PTPRN2: variants seen among roughly 807,000 people sequenced by gnomAD.
The protein encoded by PTPRN2 is protein tyrosine phosphatase receptor type N2.
PTPRN2 carries 74 observed loss-of-function variants against 118.8 expected under a neutral mutation model. The ratio of observed to expected loss-of-function variants is 0.62; its 90% CI spans 0.52 to 0.76. The LOEUF (loss-of-function observed/expected upper bound fraction) is 0.76. Ranked by LOEUF, PTPRN2 falls within the 30% of genes least tolerant of loss-of-function variation. The pLI, the probability that PTPRN2 is intolerant of heterozygous loss-of-function variation, is 0.00. For synonymous variants in PTPRN2, 641 were observed against 608.0 expected (o/e 1.05, Z -0.80); for missense variants, 1,481 against 1,394.4 (o/e 1.06, Z -0.99).
intron 19 of PTPRN2, among the ~76,000 whole-genome samples, chr7:157,574,682 G>A (rs948786776): frequency 2.0e-5 from 3 of 152,208 alleles, no homozygotes; most frequent in Non-Finnish European, 4.4e-5. Flanking sequence ...GTGAGAACGC[G>A]TCGTCTATTG....
At chr7:158,021,734 T>C (rs1806888508) in intron 11 of PTPRN2, among the ~76,000 whole-genome samples, 1 of 152,190 alleles carries the variant, frequency 6.6e-6, no homozygotes, top group African/African-American at 2.4e-5. Context: ...CGATCTCTGA[T>C]GTCCAGCCTC....
intron 6 of PTPRN2, among the ~76,000 whole-genome samples, chr7:158,163,229 T>C (rs558313361): frequency 7.2e-5 from 11 of 151,954 alleles, no homozygotes; most frequent in East Asian, 1.9e-4. Flanking sequence ...GTGATGCCTA[T>C]ACCAGGTTCT....
intron 11 of PTPRN2, among the ~76,000 whole-genome samples, chr7:157,982,262 CATAGAG>C (rs1803289410): frequency 3.6e-5 from 2 of 55,614 alleles, no homozygotes; most frequent in African/African-American, 1.4e-4. Context: ...AACCCCGAGT[CATAGAG>C]CCAAGGAGGG....
intron 11 of PTPRN2, among the ~76,000 whole-genome samples, chr7:158,006,640 C>T (rs1299941799): frequency 6.6e-6 from 1 of 152,176 alleles, no homozygotes; most frequent in East Asian, 1.9e-4. Flanking sequence ...GCCATCCCAC[C>T]CCTATGGAGA....
At chr7:157,828,280 A>C (rs950506279) in intron 12 of PTPRN2, among the ~76,000 whole-genome samples, 2 of 152,186 alleles carry the variant, frequency 1.3e-5, no homozygotes, top group Non-Finnish European at 2.9e-5. Context: ...CTGTAGACAG[A>C]CTGTCCACCT....
At chr7:158,136,929 C>CA (rs1464053595) in intron 7 of PTPRN2, among the ~76,000 whole-genome samples, 1 of 152,178 alleles carries the variant, frequency 6.6e-6, no homozygotes, top group Admixed American at 6.5e-5. Context: ...TGAAGGCAGC[C>CA]ACAATGACCT....
chr7:158,333,538 G>T (rs1302480604), intron 2 of PTPRN2, among the ~76,000 whole-genome samples: 1 of 148,736 alleles, frequency 6.7e-6, no homozygotes, highest in African/African-American at 2.5e-5. Context: ...GACACTCGCA[G>T]ACGTCACTCA....
chr7:158,474,293 C>T (rs1347468612), intron 2 of PTPRN2, among the ~76,000 whole-genome samples: 1 of 152,180 alleles, frequency 6.6e-6, no homozygotes, highest in Non-Finnish European at 1.5e-5. Context: ...GACCCCAGGA[C>T]CTCTGGAAAA....
chr7:158,440,843 TGACGGG>T (rs1816975352), intron 2 of PTPRN2, among the ~76,000 whole-genome samples: 7 of 102,364 alleles, frequency 6.8e-5, no homozygotes, highest in Admixed American at 2.3e-4. Context: ...GTGATGGCAG[TGACGGG>T]GGTGGTGGTG....
intron 2 of PTPRN2, among the ~76,000 whole-genome samples, chr7:158,327,879 G>A (rs549975366): frequency 2.6e-5 from 4 of 152,080 alleles, no homozygotes; most frequent in Non-Finnish European, 5.9e-5. Context: ...GGTCCCATGG[G>A]GCTTCTCAAA....
rs1454961033 is a variant in PTPRN2, at chr7:157,748,511, T to G, written c.1789-65574A>C. On this transcript the variant is annotated intron_variant, in intron 12 of 22. Coordinates refer to ENST00000389418, the MANE Select transcript of PTPRN2 (RefSeq NM_002847.5). ...AGCTGCGGAGTGTCTGGGTGATTCT[T>G]AGGTCTGCGTCTCTGAGCTGTGGGG... Among the ~76,000 whole-genome samples the G allele has an allele frequency of 3.3e-3, 178 of 53,216 alleles. 1 individual carries two copies. The highest frequency in any genetic ancestry group is 5.1e-3 in the African/African-American group (63 of 12,452). 34.9% of individuals were successfully genotyped at this position (53,216 alleles called of 152,430 possible).
intron 12 of PTPRN2, among the ~76,000 whole-genome samples, chr7:157,711,631 T>C (rs560088597): frequency 6.9e-4 from 105 of 152,252 alleles, no homozygotes; most frequent in African/African-American, 2.5e-3. Context: ...CTTTGTCTTC[T>C]GGCCTTGCAG....
At chr7:157,686,232 G>A (rs532155434) in intron 12 of PTPRN2, among the ~76,000 whole-genome samples, 14 of 152,342 alleles carry the variant, frequency 9.2e-5, no homozygotes, top group African/African-American at 3.1e-4. Context: ...GAAGAAAGAG[G>A]TCTTCCCTCC....
intron 5 of PTPRN2, among the ~76,000 whole-genome samples, chr7:158,169,383 C>T (rs1823320171): frequency 6.6e-6 from 1 of 151,502 alleles, no homozygotes; most frequent in African/African-American, 2.4e-5. Context: ...GCTGGGACCA[C>T]AGGAACACAC....
chr7:157,656,975 C>T (rs1795516360), intron 13 of PTPRN2, among the ~76,000 whole-genome samples: 1 of 146,542 alleles, frequency 6.8e-6, no homozygotes, highest in South Asian at 2.2e-4. Context: ...ATACACCACA[C>T]ACACCACACA....
intron 12 of PTPRN2, among the ~76,000 whole-genome samples, chr7:157,891,029 C>T (rs1195104561): frequency 6.6e-6 from 1 of 152,060 alleles, no homozygotes; most frequent in African/African-American, 2.4e-5. Context: ...CGGCTCTCTT[C>T]ACCTGTGGGC....
chr7:158,280,957 T>G (rs1799386293), intron 3 of PTPRN2, among the ~76,000 whole-genome samples: 1 of 152,078 alleles, frequency 6.6e-6, no homozygotes, highest in Non-Finnish European at 1.5e-5. Context: ...CTAGCGAGAG[T>G]CTAAAGAGGT....
chr7:158,460,470 A>G (rs2464330), intron 2 of PTPRN2, among the ~76,000 whole-genome samples: 82,021 of 147,430 alleles, frequency 0.56, 22,677 homozygotes, highest in African/African-American at 0.57. Context: ...TCTGTGTGCC[A>G]AGACCACAGG....
At chr7:158,048,591 C>CA (rs1809053917) in intron 11 of PTPRN2, among the ~76,000 whole-genome samples, 1 of 151,000 alleles carries the variant, frequency 6.6e-6, no homozygotes, top group Non-Finnish European at 1.5e-5. Flanking sequence ...CTATCATCAT[C>CA]ATCACTATCA....
Sources: gnomAD v4.1 joint callset for allele counts (sites outside exome capture counted in the v4.1 genomes callset) on GRCh38, gnomAD v4.1.1 for gene constraint, MANE v1.5 for transcripts, NCBI Gene and HGNC (gene_info 2026-07-23, HGNC 2026-07-21) for gene names.